The following TTC1 variants were observed in gnomAD, a reference collection of about 807,000 sequenced individuals.
TTC1 encodes the protein tetratricopeptide repeat domain 1.
In TTC1, 31 loss-of-function variants were observed where a neutral mutation model predicts 37.6. The observed-to-expected ratio is 0.82, with a 90% confidence interval of 0.62 to 1.11. The LOEUF is 1.11. Among genes scored for constraint, TTC1 ranks in the 50% most tolerant of loss-of-function variants. The pLI is 0.00. For missense variants in TTC1, 351 were observed against 339.0 expected, an observed-to-expected ratio of 1.04 and a Z score of -0.28; for synonymous variants, 127 against 122.4, an observed-to-expected ratio of 1.04 and a Z score of -0.25.
At position 160,065,444 on chromosome 5, in the gene TTC1, CG is replaced by C. The variant is rs1753578415; in HGVS notation, c.*382del. 2 of 462,484 alleles carry C rather than the reference CG, an allele frequency of 4.3e-6. No homozygotes were observed. The highest frequency in any genetic ancestry group is 6.8e-5 in the East Asian group (1 of 14,706). 28.6% of individuals were successfully genotyped at this position (462,484 alleles called of 1,614,324 possible). On this transcript the variant is annotated 3_prime_UTR_variant, in exon 8 of 8. Coordinates refer to ENST00000231238, the MANE Select transcript of TTC1 (RefSeq NM_003314.3). Reference sequence around the variant, plus strand: ...GAGACTGCCCAGACATGATTGATGACGGGTTCCCGCCTGCTGTCCCCTCCCT... The same window carrying C: ...GAGACTGCCCAGACATGATTGATGACGGTTCCCGCCTGCTGTCCCCTCCCT...
chr5:160,021,414 CTTG>C (rs1411594423), intron 2 of TTC1, among the ~76,000 whole-genome samples: 2 of 152,182 alleles, frequency 1.3e-5, no homozygotes, highest in Non-Finnish European at 2.9e-5. Context: ...CTAAAAACAA[CTTG>C]TTGGGCCGAA....
rs116781397 is a variant in TTC1 at position 160,047,857 on chromosome 5, C to T, written c.542-1657C>T. Among the ~76,000 whole-genome samples, 644 of 152,248 alleles carry T rather than the reference C, an allele frequency of 4.2e-3. 3 individuals are homozygous for T. The highest frequency in any genetic ancestry group is 0.015 in the African/African-American group (612 of 41,548). Reference sequence around the variant, plus strand: ...CACTTTCTGAAGTTACCTCATTTCTCGCTTCACTTGTATTTCCATGACCTT... The same window carrying T: ...CACTTTCTGAAGTTACCTCATTTCTTGCTTCACTTGTATTTCCATGACCTT... On this transcript the variant is annotated intron_variant, in intron 5 of 7. Transcript: ENST00000231238.
intron 2 of TTC1, chr5:160,023,669 TG>T: frequency 1.5e-6 from 2 of 1,353,254 alleles, no homozygotes; most frequent in Non-Finnish European, 2.1e-6. Flanking sequence ...CAAGGCTCAA[TG>T]GGGACAAAGC....
chr5:160,014,291 G>A (rs1317633302), intron 2 of TTC1, among the ~76,000 whole-genome samples: 1 of 152,014 alleles, frequency 6.6e-6, no homozygotes, highest in Non-Finnish European at 1.5e-5. Context: ...CCAGGAGGTC[G>A]AGGTTGCAGT....
chr5:160,043,748 A>T (rs1386311929), intron 5 of TTC1, among the ~76,000 whole-genome samples: 2 of 152,258 alleles, frequency 1.3e-5, no homozygotes, highest in Admixed American at 6.5e-5. Context: ...AAGGGGGACA[A>T]CTGTGATGAG....
intron 2 of TTC1, among the ~76,000 whole-genome samples, chr5:160,024,627 G>C (rs989483344): frequency 6.6e-6 from 1 of 151,874 alleles, no homozygotes; most frequent in Admixed American, 6.6e-5. Context: ...CTCCCTCATA[G>C]CTGGGAATAC....
intron 4 of TTC1, among the ~76,000 whole-genome samples, chr5:160,040,872 A>T (rs1038776096): frequency 3.3e-5 from 5 of 151,852 alleles, no homozygotes; most frequent in Non-Finnish European, 7.4e-5. Context: ...AGCCTCCCGA[A>T]TCACTGGAAT....
At chr5:160,022,447 T>C (rs1756728130) in intron 2 of TTC1, among the ~76,000 whole-genome samples, 1 of 152,240 alleles carries the variant, frequency 6.6e-6, no homozygotes, top group South Asian at 2.1e-4. Context: ...TAAAAAATTA[T>C]ATTCAAGCTA....
Position 160,049,504 on chromosome 5 carries a change from CT to C in TTC1, c.542-5del. On this transcript the variant is annotated splice_polypyrimidine_tract_variant and intron_variant, in intron 5 of 7. Transcript: ENST00000231238. ...CTTTGTGATAAAAATTATTTCTTCTCTTTTTACAGCAATTCAATTAAACCCC... is the reference window on the plus strand; with the variant it reads ...CTTTGTGATAAAAATTATTTCTTCTCTTTTACAGCAATTCAATTAAACCCC... The C allele has an allele frequency of 6.4e-7, 1 of 1,550,528 alleles. No homozygotes were observed. Among genetic ancestry groups the C allele is most frequent in the Non-Finnish European group, 8.7e-7 (1 of 1,155,244 alleles).
chr5:160,050,863 C>T (rs566145962), intron 6 of TTC1, among the ~76,000 whole-genome samples: 11 of 152,038 alleles, frequency 7.2e-5, no homozygotes, highest in African/African-American at 2.2e-4. Flanking sequence ...TGAGCTCAAG[C>T]GATCCTCCCA....
In TTC1 at chr5:160,065,279, G is replaced by A. The variant is rs1470016695; in HGVS notation, c.*214G>A. 2 of 759,744 alleles carry A rather than the reference G, an allele frequency of 2.6e-6. No homozygotes were observed. Among genetic ancestry groups the A allele is most frequent in the African/African-American group, 1.7e-5 (1 of 58,020 alleles). 47.1% of individuals were successfully genotyped at this position (759,744 alleles called of 1,614,324 possible). On this transcript the variant is annotated 3_prime_UTR_variant, in exon 8 of 8. Coordinates refer to ENST00000231238, the MANE Select transcript of TTC1 (RefSeq NM_003314.3). ...CCTAATTTGATTTCCATTTTAAGGTGGTGTCTGTGCAGCTGGTGTCCCCGA... is the reference window on the plus strand; with the variant it reads ...CCTAATTTGATTTCCATTTTAAGGTAGTGTCTGTGCAGCTGGTGTCCCCGA...
At chr5:160,029,285 C>T (rs1756863949) in intron 2 of TTC1, among the ~76,000 whole-genome samples, 1 of 152,078 alleles carries the variant, frequency 6.6e-6, no homozygotes, top group Admixed American at 6.6e-5. Context: ...GAGTAATACC[C>T]TAGTAACAGT....
intron 5 of TTC1, among the ~76,000 whole-genome samples, chr5:160,044,900 T>C (rs544963004): frequency 3.3e-5 from 5 of 152,350 alleles, no homozygotes; most frequent in Non-Finnish European, 7.3e-5. Context: ...TTTGGTGCCC[T>C]CTCTACTGGC....
chr5:160,018,557 T>C (rs538383060), intron 2 of TTC1, among the ~76,000 whole-genome samples: 5 of 152,312 alleles, frequency 3.3e-5, no homozygotes, highest in African/African-American at 1.2e-4. Flanking sequence ...AGCCGATGGC[T>C]GAAGCATGAT....
intron 2 of TTC1, among the ~76,000 whole-genome samples, chr5:160,028,396 A>G (rs968720896): frequency 6.6e-6 from 1 of 151,198 alleles, no homozygotes; most frequent in Non-Finnish European, 1.5e-5. Flanking sequence ...ATTCATGTCA[A>G]GAGGGCCCTG....
chr5:160,060,210 C>A (rs550419315), intron 7 of TTC1, among the ~76,000 whole-genome samples: 1 of 152,100 alleles, frequency 6.6e-6, no homozygotes, highest in African/African-American at 2.4e-5. Context: ...AATCCATGCC[C>A]GAGTGATCTT....
intron 2 of TTC1, among the ~76,000 whole-genome samples, chr5:160,025,873 G>A (rs1756794608): frequency 6.6e-6 from 1 of 152,206 alleles, no homozygotes; most frequent in Non-Finnish European, 1.5e-5. Flanking sequence ...TGGGACTATA[G>A]ATGTGCACCA....
chr5:160,063,290 A>G (rs993202943), intron 7 of TTC1, among the ~76,000 whole-genome samples: 6 of 152,150 alleles, frequency 3.9e-5, no homozygotes, highest in African/African-American at 1.4e-4. Flanking sequence ...ATCATGGCTC[A>G]CTGCAGCCCT....
rs149889700 is a variant in TTC1 at position 160,010,783 on chromosome 5, A to G, written c.255A>G (p.Glu85=). The part of the protein sequence containing the change: ...GADKVENKSN[E]DVNSSELDEE... ...ACAAGGTTGAGAACAAATCTAATGAAGATGTGAATTCCTCTGAACTAGATG... is the reference window on the plus strand; with the variant it reads ...ACAAGGTTGAGAACAAATCTAATGAGGATGTGAATTCCTCTGAACTAGATG... The change falls in exon 2 of 8, where the codon GAA becomes GAG. Residue 85 remains glutamate (E), a synonymous_variant. Transcript: ENST00000231238. 1.8e-4 allele frequency: 291 copies of G among 1,614,104 alleles called. No individual in the cohort carries two copies. Among genetic ancestry groups the G allele is most frequent in the Non-Finnish European group, 1.8e-4 (210 of 1,180,054 alleles).
Sources: allele counts gnomAD v4.1 joint callset (sites outside exome capture counted in the v4.1 genomes callset), GRCh38; gene constraint gnomAD v4.1.1; transcripts MANE v1.5; gene names NCBI Gene and HGNC (gene_info 2026-07-23, HGNC 2026-07-21).